The following ABCD2 variants were observed in gnomAD, a reference collection of about 807,000 sequenced individuals.
The protein encoded by ABCD2 is ATP binding cassette subfamily D member 2, also known as ATP-binding cassette sub-family D member 2.
Under a neutral mutation model 70.9 loss-of-function variants are expected in ABCD2, and 36 were observed. The ratio of observed to expected loss-of-function variants is 0.51; its 90% CI spans 0.39 to 0.67. ABCD2 has a LOEUF of 0.67. ABCD2 is among the 30% of genes least tolerant of loss of function. ABCD2 has a pLI of 0.00. For synonymous variants in ABCD2, 304 were observed against 306.9 expected, an observed-to-expected ratio of 0.99 and a Z score of 0.10; for missense variants, 729 against 890.2, an observed-to-expected ratio of 0.82 and a Z score of 2.30.
chr12:39,542,225 A>T, the ABCD2 span, among the ~76,000 whole-genome samples: 1 of 152,202 alleles, frequency 6.6e-6, no homozygotes, highest in African/African-American at 2.4e-5. Context: ...GCACTTTGGG[A>T]GGCCAAGGCG....
At position 39,619,138 on chromosome 12, in the gene ABCD2, C is replaced by T. The variant is rs1288059904; in HGVS notation, c.478G>A (p.Val160Ile). Reference sequence around the variant, plus strand: ...TCCAGGTACCTTATTGCACTGTTGACGAAGGTAGCAGGGATGGCAATCATA... The same window carrying T: ...TCCAGGTACCTTATTGCACTGTTGATGAAGGTAGCAGGGATGGCAATCATA... The part of the protein sequence containing the change: ...WLMIAIPATF[V>I]NSAIRYLECK... The change falls in exon 1 of 10, where the codon GTC becomes ATC. Residue 160 changes from valine (V) to isoleucine (I), a missense_variant. By Grantham distance (29) the Val-to-Ile change is conservative. Transcript: ENST00000308666. 3.1e-6 allele frequency: 5 copies of T among 1,614,122 alleles called. No individual in the cohort carries two copies. The highest frequency in any genetic ancestry group is 4.2e-6 in the Non-Finnish European group (5 of 1,180,020).
In ABCD2 at chr12:39,619,511, G is replaced by A; in HGVS notation, c.105C>T (p.Thr35=). The A allele has an allele frequency of 1.9e-6, 3 of 1,612,410 alleles. No individual in the cohort carries two copies. The highest frequency in any genetic ancestry group is 3.3e-4 in the Middle Eastern group (2 of 6,062). ...CLVAAAYALK[T]LYPIIGKRLK... The stretch of plus-strand genomic sequence containing the variant: ...AACGCTTGCCAATGATGGGATAGAG[G>A]GTTTTCAGAGCATATGCCGCAGCCA... The change falls in exon 1 of 10, where the codon ACC becomes ACT. Residue 35 remains threonine, a synonymous_variant. Coordinates refer to ENST00000308666, the MANE Select transcript of ABCD2 (RefSeq NM_005164.4).
In ABCD2 at chr12:39,618,746, G is replaced by A. The variant is rs751563376; in HGVS notation, c.870C>T (p.Gly290=). ...KLVAEEAHRK[G]YLRYVHSRII... ...TTCTCGAGTGCACATACCGCAAATA[G>A]CCTTTTCTATGTGCTTCCTCTGCCA... is the stretch of plus-strand genomic sequence containing the variant. Residue 290 remains glycine (G), a synonymous_variant, in exon 1 of 10, where the codon GGC becomes GGT. Coordinates refer to ENST00000308666, the MANE Select transcript of ABCD2 (RefSeq NM_005164.4). 16 of 1,614,040 alleles carry A rather than the reference G, an allele frequency of 9.9e-6. No individual in the cohort carries two copies. In the Admixed American group the frequency reaches 2.2e-4, roughly 22 times the overall value.
chr12:39,599,301 A>T (rs530636090), intron 6 of ABCD2, among the ~76,000 whole-genome samples: 1 of 152,208 alleles, frequency 6.6e-6, no homozygotes, highest in Non-Finnish European at 1.5e-5. Context: ...AAGAGAATAG[A>T]ATTCTATAAT....
the ABCD2 span, among the ~76,000 whole-genome samples, chr12:39,533,919 G>C: frequency 1.3e-5 from 2 of 152,184 alleles, no homozygotes; most frequent in East Asian, 3.8e-4. Context: ...ATAAGAAACA[G>C]AAGGCGTATG....
In ABCD2 at chr12:39,619,487, A is replaced by T. The variant is rs767111239; in HGVS notation, c.129T>A (p.Arg43=). The stretch of plus-strand genomic sequence containing the variant: ...TCTTCCCGTGGCCAGATTGCTTTAA[A>T]CGCTTGCCAATGATGGGATAGAGGG... ...LKTLYPIIGK[R]LKQSGHGKKK... is the part of the protein sequence containing the mutation. Residue 43 remains arginine, a synonymous_variant, in exon 1 of 10, where the codon CGT becomes CGA. Coordinates refer to ENST00000308666, the MANE Select transcript of ABCD2 (RefSeq NM_005164.4). The T allele has an allele frequency of 1.9e-6, 3 of 1,613,198 alleles. 1 individual carries two copies. In the South Asian group the frequency reaches 3.3e-5, roughly 18 times the overall value.
At chr12:39,614,343 T>G (rs1261763337) in intron 2 of ABCD2, among the ~76,000 whole-genome samples, 4 of 152,320 alleles carry the variant, frequency 2.6e-5, no homozygotes, top group Admixed American at 6.5e-5. Flanking sequence ...GTAAAAATTT[T>G]GAAAGATGTG....
chr12:39,565,775 T>A (rs1413346464), intron 9 of ABCD2, among the ~76,000 whole-genome samples: 2 of 152,224 alleles, frequency 1.3e-5, no homozygotes, highest in Non-Finnish European at 2.9e-5. Context: ...TTGTCATAGA[T>A]AGCTCTAATT....
intron 9 of ABCD2, among the ~76,000 whole-genome samples, chr12:39,565,170 T>G (rs1386399480): frequency 3.3e-5 from 5 of 152,160 alleles, no homozygotes; most frequent in African/African-American, 9.7e-5. Flanking sequence ...GTGAAGAAAG[T>G]CATTGGTAGC....
intron 7 of ABCD2, 24 bp from the exon 8 acceptor site, chr12:39,579,643 A>T: frequency 6.6e-7 from 1 of 1,521,346 alleles, no homozygotes; most frequent in Non-Finnish European, 9.0e-7. Context: ...AAAAATATAC[A>T]TTTTTATAAA....
At chr12:39,538,041 G>A in the ABCD2 span, among the ~76,000 whole-genome samples, 3 of 152,056 alleles carry the variant, frequency 2.0e-5, no homozygotes, top group Non-Finnish European at 2.9e-5. Flanking sequence ...TTTACATAGC[G>A]TGTATACTAA....
chr12:39,597,238 T>A (rs534903206), intron 6 of ABCD2, among the ~76,000 whole-genome samples: 1 of 152,308 alleles, frequency 6.6e-6, no homozygotes, highest in African/African-American at 2.4e-5. Flanking sequence ...CCTTCCTCTG[T>A]TGCTTCTCTC....
chr12:39,556,953 A>C (rs909501778), intron 9 of ABCD2, among the ~76,000 whole-genome samples: 1 of 151,710 alleles, frequency 6.6e-6, no homozygotes, highest in Non-Finnish European at 1.5e-5. Context: ...ACTGCACTCC[A>C]ACCTGGGTGA....
Position 39,579,615 on chromosome 12 carries a change from C to A in ABCD2, c.1797G>T (p.Trp599Cys), listed in dbSNP as rs1011018570. 6.2e-7 allele frequency: 1 copy of A among 1,604,294 alleles called. No homozygotes were observed. Among genetic ancestry groups the A allele is most frequent in the African/African-American group, 1.3e-5 (1 of 74,820 alleles). ...CATCTTTCCAGTCCATAACAGCATCCCATCCTTAAGAAAATAAAAAAATAT... is the reference window on the plus strand; with the variant it reads ...CATCTTTCCAGTCCATAACAGCATCACATCCTTAAGAAAATAAAAAAATAT... ...LYHIVQREGG[W>C]DAVMDWKDVL... is the part of the protein sequence containing the mutation. The change falls in exon 8 of 10, where the codon TGG (tryptophan) becomes TGT (cysteine). Residue 599 changes from tryptophan (W) to cysteine (C), a missense_variant. Trp to Cys is a radical substitution (Grantham distance 215). Coordinates refer to ENST00000308666, the MANE Select transcript of ABCD2 (RefSeq NM_005164.4).
chr12:39,587,124 A>G lies in ABCD2; in HGVS notation c.1647-827T>C, dbSNP rs1239481516. On this transcript the variant is annotated intron_variant, in intron 6 of 9. Coordinates refer to ENST00000308666, the MANE Select transcript of ABCD2 (RefSeq NM_005164.4). ...AAAAAGATGCATGAGGTTATTCATT[A>G]CAGCTTATTTGTAATAGCAAAATAC... is the stretch of plus-strand genomic sequence containing the variant. Among the ~76,000 whole-genome samples the G allele has an allele frequency of 5.3e-5, 8 of 152,238 alleles. No individual in the cohort carries two copies. In the South Asian group the frequency reaches 1.2e-3, roughly 24 times the overall value.
chr12:39,571,393 A>AG, intron 9 of ABCD2, among the ~76,000 whole-genome samples: 1 of 152,328 alleles, frequency 6.6e-6, no homozygotes, highest in Admixed American at 6.5e-5. Context: ...ACTGTAAAAA[A>AG]GAATAAAATC....
In ABCD2 at chr12:39,600,229, G is replaced by A. The variant is rs530307004; in HGVS notation, c.1646+342C>T. On this transcript the variant is annotated intron_variant, in intron 6 of 9. Coordinates refer to ENST00000308666, the MANE Select transcript of ABCD2 (RefSeq NM_005164.4). ...GATGGAGAGAGCTGTATACTTATCC[G>A]GGTGTTATTATTTTTCTGTGAGAAG... 2.0e-5 allele frequency among the ~76,000 whole-genome samples: 3 copies of A among 152,114 alleles called. No individual in the cohort carries two copies. In the East Asian group the frequency reaches 5.8e-4, roughly 29 times the overall value.
rs368267293 is a variant in ABCD2, at chr12:39,579,132, C to T, written c.1877+403G>A. On this transcript the variant is annotated intron_variant, in intron 8 of 9. Transcript: ENST00000308666. ...ATCCCAGCACTTTGGGAGGCCAAGG[C>T]GGGCGGATCACCTGAAGTTAGGAGT... 3.0e-3 allele frequency among the ~76,000 whole-genome samples: 463 copies of T among 152,248 alleles called. 3 individuals are homozygous for T. The highest frequency in any genetic ancestry group is 0.01 in the African/African-American group (428 of 41,566).
chr12:39,542,708 G>T, the ABCD2 span, among the ~76,000 whole-genome samples: 374 of 152,260 alleles, frequency 2.5e-3, 2 homozygotes, highest in African/African-American at 8.5e-3. Context: ...AGTTCTAGGG[G>T]TGACTGAATT....
Sources: allele counts gnomAD v4.1 joint callset (sites outside exome capture counted in the v4.1 genomes callset), GRCh38; gene constraint gnomAD v4.1.1; transcripts MANE v1.5; gene names NCBI Gene and HGNC (gene_info 2026-07-23, HGNC 2026-07-21).